Variants in CACNB3 observed in about 807,000 individuals in gnomAD.
CACNB3 encodes the protein voltage-dependent L-type calcium channel subunit beta-3.
Under a neutral mutation model 63.7 loss-of-function variants are expected in CACNB3, and 36 were observed. The ratio of observed to expected loss-of-function variants is 0.57; its 90% CI spans 0.43 to 0.75. CACNB3 has a LOEUF of 0.75. Ranked by LOEUF, CACNB3 falls within the 30% of genes least tolerant of loss-of-function variation. The probability of loss-of-function intolerance (pLI) is 0.00; values close to 1 mark genes in which losing one functional copy is unlikely to be tolerated. For synonymous variants in CACNB3, 241 were observed against 250.6 expected (o/e 0.96, Z 0.36); for missense variants, 493 against 648.6 (o/e 0.76, Z 2.61).
At position 48,823,699 on chromosome 12, in the gene CACNB3, G is replaced by A; in HGVS notation, c.187G>A (p.Ala63Thr). The change falls in exon 3 of 13, where the codon GCG becomes ACG. Residue 63 changes from alanine to threonine, a missense_variant. Coordinates refer to ENST00000301050, the MANE Select transcript of CACNB3 (RefSeq NM_000725.4). This position sits in a 1 kb window ranked among gnomAD's most constrained non-coding sequence, Gnocchi z 4.2. ...ERAKHKPVAF[A>T]VRTNVSYCGV... The stretch of plus-strand genomic sequence containing the variant: ...TCTCCAGCACAAACCTGTGGCATTT[G>A]CGGTGAGGACCAATGTCAGCTACTG... The A allele has an allele frequency of 6.2e-7, 1 of 1,614,152 alleles. No homozygotes were observed. The highest frequency in any genetic ancestry group is 8.5e-7 in the Non-Finnish European group (1 of 1,180,016).
chr12:48,820,232 A>G (rs140151892), intron 1 of CACNB3: 2,679 of 153,506 alleles, frequency 0.017, 276 homozygotes, highest in Admixed American at 0.16. Flanking sequence ...AGTTGAAGGG[A>G]CAGCTGGTAT....
Position 48,825,321 on chromosome 12 carries a change from G to T in CACNB3, c.573+78G>T. ...GAAGTCCCTAGGGAAAGTGGAAGGGGTGTGTCTCCTCCGTCCAGGGTGTGT... is the reference window on the plus strand; with the variant it reads ...GAAGTCCCTAGGGAAAGTGGAAGGGTTGTGTCTCCTCCGTCCAGGGTGTGT... On this transcript the variant is annotated intron_variant, in intron 7 of 12. Transcript: ENST00000301050. The surrounding 1 kb of genome is among the most constrained non-coding windows in gnomAD (Gnocchi z 4.5). 3 of 1,568,230 alleles carry T rather than the reference G, an allele frequency of 1.9e-6. No homozygotes were observed. Among genetic ancestry groups the T allele is most frequent in the Admixed American group, 3.4e-5 (2 of 59,672 alleles).
chr12:48,815,520 A>G (rs1942263004), upstream of CACNB3: 17 of 1,434,686 alleles, frequency 1.2e-5, no homozygotes, highest in Non-Finnish European at 1.6e-5. Flanking sequence ...GGGAGGAGAA[A>G]GAGGGAGGGA....
rs142963557 is a variant in CACNB3, at chr12:48,827,606, C to T, written c.1162C>T (p.Arg388Cys). Reference sequence around the variant, plus strand: ...CCAGAACCAGCAGCTGCTGGGGGAGCGTGGCGAGGAGCACTCCCCCCTTGA... The same window carrying T: ...CCAGAACCAGCAGCTGCTGGGGGAGTGTGGCGAGGAGCACTCCCCCCTTGA... ...GLQNQQLLGE[R>C]GEEHSPLERD... Residue 388 changes from arginine (R) to cysteine (C), a missense_variant, in exon 13 of 13, where the codon CGT becomes TGT. Transcript: ENST00000301050. 9.3e-6 allele frequency: 15 copies of T among 1,612,598 alleles called. 1 individual carries two copies. The highest frequency in any genetic ancestry group is 2.2e-5 in the East Asian group (1 of 44,852).
intron 1 of CACNB3, chr12:48,820,028 G>A (rs947174582): frequency 5.3e-6 from 1 of 190,224 alleles, no homozygotes; most frequent in Non-Finnish European, 1.1e-5. Context: ...GGAAAGAGGA[G>A]TTCATGTTCA....
At chr12:48,817,817 C>G (rs1942321342), upstream of CACNB3, 1 of 152,364 alleles carries the variant, frequency 6.6e-6, no homozygotes, top group Non-Finnish European at 1.5e-5. Flanking sequence ...GCTTCTTTCC[C>G]CTTCCCTTTA....
At position 48,828,011 on chromosome 12, in the gene CACNB3, A is replaced by C; in HGVS notation, c.*112A>C. ...GGCTGGCACTAGGCTCAGCCCCCAA[A>C]ACCCCCTGCCCAGCCCCAGCTTCAG... On this transcript the variant is annotated 3_prime_UTR_variant, in exon 13 of 13. Transcript: ENST00000301050. The C allele has an allele frequency of 1.1e-5, 10 of 913,120 alleles. No individual in the cohort carries two copies. Among genetic ancestry groups the C allele is most frequent in the Non-Finnish European group, 1.7e-5 (10 of 594,388 alleles). 56.6% of individuals were successfully genotyped at this position (913,120 alleles called of 1,614,324 possible).
At chr12:48,816,764 A>G, upstream of CACNB3, 1 of 806,592 alleles carries the variant, frequency 1.2e-6, no homozygotes, top group Middle Eastern at 6.6e-4. Flanking sequence ...TGTTACCTAC[A>G]GCCCCAGGAC....
At chr12:48,820,794 G>T (rs1423420142) in intron 1 of CACNB3, 1 of 152,246 alleles carries the variant, frequency 6.6e-6, no homozygotes, top group African/African-American at 2.4e-5. Context: ...TGGAGAGGGG[G>T]TTCCATTCTG....
chr12:48,818,437 G>GC, upstream of CACNB3: 1 of 987,500 alleles, frequency 1.0e-6, no homozygotes, highest in Non-Finnish European at 1.2e-6. The surrounding 1 kb of genome is among the most constrained non-coding windows in gnomAD (Gnocchi z 4.3). Context: ...CTCTGTCTCC[G>GC]CATCTCTCCT....
upstream of CACNB3, chr12:48,816,896 C>G: frequency 1.0e-6 from 1 of 985,416 alleles, no homozygotes; most frequent in South Asian, 4.7e-5. Flanking sequence ...GAGAAGAGCA[C>G]CTTGAGGGTC....
chr12:48,827,723 G>A lies in CACNB3; in HGVS notation c.1279G>A (p.Glu427Lys), dbSNP rs752498616. ...ACAGCGTAGCTCCCGCCACCTGGAGGAGGACTATGCAGATGCCTACCAGGA... is the reference window on the plus strand; with the variant it reads ...ACAGCGTAGCTCCCGCCACCTGGAGAAGGACTATGCAGATGCCTACCAGGA... ...SSQRSSRHLEEDYADAYQDLY... is the reference protein window; with the variant it reads ...SSQRSSRHLEKDYADAYQDLY... The change falls in exon 13 of 13, where the codon GAG becomes AAG. Residue 427 changes from glutamate (E) to lysine (K), a missense_variant. By Grantham distance (56) the Glu-to-Lys change is moderately conservative. Transcript: ENST00000301050. 6 of 1,614,162 alleles carry A rather than the reference G, an allele frequency of 3.7e-6. No individual in the cohort carries two copies. The Admixed American group carries it at 6.7e-5, about 18-fold the overall frequency.
At position 48,826,155 on chromosome 12, in the gene CACNB3, CCTT is replaced by C; in HGVS notation, c.743-211_743-209del. 1.7e-6 allele frequency: 1 copy of C among 595,986 alleles called. No homozygotes were observed. Among genetic ancestry groups the C allele is most frequent in the Non-Finnish European group, 3.0e-6 (1 of 335,358 alleles). The allele number at this position is 595,986 out of a possible 1,614,324, so 36.9% of individuals were successfully genotyped here. On this transcript the variant is annotated intron_variant, in intron 9 of 12. Transcript: ENST00000301050. This position sits in a 1 kb window ranked among gnomAD's most constrained non-coding sequence, Gnocchi z 4.8. ...CTCTTCCCTTTTCTCTTCCTTACCT[CCTT>C]GTCTTTCTGCCCAACTCCTCTACCT...
chr12:48,823,230 C>T lies in CACNB3; in HGVS notation c.46-114C>T. 7.3e-7 allele frequency: 1 copy of T among 1,369,794 alleles called. No homozygotes were observed. The highest frequency in any genetic ancestry group is 1.0e-6 in the Non-Finnish European group (1 of 997,446). 84.9% of individuals were successfully genotyped at this position (1,369,794 alleles called of 1,614,324 possible). On this transcript the variant is annotated intron_variant, in intron 1 of 12. Transcript: ENST00000301050. The surrounding 1 kb of genome is among the most constrained non-coding windows in gnomAD (Gnocchi z 4.2). ...AGGGGCCATAGGGACCCAGCTATCC[C>T]CTTGGAGATGGAGAAACTGGGGGCA...
upstream of CACNB3, chr12:48,815,366 A>C: frequency 2.5e-6 from 1 of 405,072 alleles, no homozygotes; most frequent in Non-Finnish European, 4.5e-6. Context: ...GTGGGGATGG[A>C]AGGACAGTGG....
At position 48,818,778 on chromosome 12, in the gene CACNB3, C is replaced by G. The variant is rs1239400194; in HGVS notation, c.-152C>G. On this transcript the variant is annotated 5_prime_UTR_variant, in exon 1 of 13. Transcript: ENST00000301050. This position sits in a 1 kb window ranked among gnomAD's most constrained non-coding sequence, Gnocchi z 4.3. ...CTCCGAGCAGCTGGTCTTCGCGGCT[C>G]GCTCCCTCCTTCGCGCTCTCTCGCT... The G allele has an allele frequency of 3.7e-6, 5 of 1,348,868 alleles. No individual in the cohort carries two copies. Among genetic ancestry groups the G allele is most frequent in the African/African-American group, 1.6e-5 (1 of 64,182 alleles). 83.6% of individuals were successfully genotyped at this position (1,348,868 alleles called of 1,614,324 possible).
chr12:48,826,652 C>T lies in CACNB3; in HGVS notation c.895-107C>T. On this transcript the variant is annotated intron_variant, in intron 10 of 12. Transcript: ENST00000301050. The surrounding 1 kb of genome is among the most constrained non-coding windows in gnomAD (Gnocchi z 4.8). ...CCTTAACACAACTCTGAGTCATCCT[C>T]ACCTGCTACTGATGCCACAAGTGGA... 7.1e-7 allele frequency: 1 copy of T among 1,411,376 alleles called. No individual in the cohort carries two copies. Among genetic ancestry groups the T allele is most frequent in the South Asian group, 1.2e-5 (1 of 84,478 alleles). 87.4% of individuals were successfully genotyped at this position (1,411,376 alleles called of 1,614,324 possible).
Position 48,823,212 on chromosome 12 carries a change from A to G in CACNB3, c.46-132A>G. The G allele has an allele frequency of 8.5e-7, 1 of 1,170,274 alleles. No individual in the cohort carries two copies. Among genetic ancestry groups the G allele is most frequent in the Non-Finnish European group, 1.2e-6 (1 of 829,126 alleles). The allele number at this position is 1,170,274 out of a possible 1,614,324, so 72.5% of individuals were successfully genotyped here. On this transcript the variant is annotated intron_variant, in intron 1 of 12. Coordinates refer to ENST00000301050, the MANE Select transcript of CACNB3 (RefSeq NM_000725.4). The surrounding 1 kb of genome is among the most constrained non-coding windows in gnomAD (Gnocchi z 4.2). Reference sequence around the variant, plus strand: ...CCCTTCTCAGGGGATAGGAGGGGCCATAGGGACCCAGCTATCCCCTTGGAG... The same window carrying G: ...CCCTTCTCAGGGGATAGGAGGGGCCGTAGGGACCCAGCTATCCCCTTGGAG...
At position 48,825,192 on chromosome 12, in the gene CACNB3, G is replaced by A; in HGVS notation, c.522G>A (p.Val174=). ...QAEHVPPYDV[V]PSMRPVVLVG... Reference sequence around the variant, plus strand: ...AACATGTTCCCCCATATGACGTGGTGCCCTCCATGCGGCCTGTGGTGCTGG... The same window carrying A: ...AACATGTTCCCCCATATGACGTGGTACCCTCCATGCGGCCTGTGGTGCTGG... The change falls in exon 7 of 13, where the codon GTG becomes GTA. Residue 174 remains valine, a synonymous_variant. Coordinates refer to ENST00000301050, the MANE Select transcript of CACNB3 (RefSeq NM_000725.4). This position sits in a 1 kb window ranked among gnomAD's most constrained non-coding sequence, Gnocchi z 4.5. 6.2e-7 allele frequency: 1 copy of A among 1,614,118 alleles called. No individual in the cohort carries two copies. Among genetic ancestry groups the A allele is most frequent in the Non-Finnish European group, 8.5e-7 (1 of 1,180,028 alleles).
Sources: gnomAD v4.1 joint callset for allele counts on GRCh38, gnomAD v4.1.1 for gene constraint, Gnocchi (gnomAD v3.1) non-coding constraint, MANE v1.5 for transcripts, NCBI Gene and HGNC (gene_info 2026-07-23, HGNC 2026-07-21) for gene names.